The following PTPRM variants were observed in gnomAD, a reference collection of about 807,000 sequenced individuals.
PTPRM encodes protein tyrosine phosphatase receptor type M.
Under a neutral mutation model 186.7 loss-of-function variants are expected in PTPRM, and 47 were observed. The observed-to-expected ratio is 0.25, with a 90% CI of 0.20 to 0.32. The LOEUF is 0.32. PTPRM is among the 10% of genes least tolerant of loss of function. PTPRM has a pLI of 1.00. For synonymous variants in PTPRM, 668 were observed against 674.9 expected (o/e 0.99, Z 0.16); for missense variants, 1,494 against 1,865.0 (o/e 0.80, Z 3.66).
intron 2 of PTPRM, among the ~76,000 whole-genome samples, chr18:7,775,117 T>C (rs1237376573): frequency 6.6e-6 from 1 of 152,230 alleles, no homozygotes; most frequent in Non-Finnish European, 1.5e-5. Context: ...ACTTAGTAAG[T>C]AATCTTGTAA....
chr18:8,394,687 G>A, intron 32 of PTPRM, 76 bp downstream of exon 32: 2 of 1,423,526 alleles, frequency 1.4e-6, no homozygotes, highest in South Asian at 3.0e-5. Context: ...CAGATTTGCA[G>A]GGAAACTGAT....
At chr18:7,700,943 C>CTG (rs2039947073) in intron 1 of PTPRM, among the ~76,000 whole-genome samples, 1 of 138,648 alleles carries the variant, frequency 7.2e-6, no homozygotes, top group Admixed American at 7.8e-5. Context: ...CACCACTGCA[C>CTG]TCCAGCCTGG....
At chr18:7,807,789 C>T (rs528712075) in intron 2 of PTPRM, among the ~76,000 whole-genome samples, 1 of 152,304 alleles carries the variant, frequency 6.6e-6, no homozygotes. Context: ...TGAAGAATTA[C>T]ATCTAAGTAA....
intron 19 of PTPRM, among the ~76,000 whole-genome samples, chr18:8,266,061 G>A (rs2094697060): frequency 2.0e-5 from 3 of 152,058 alleles, no homozygotes; most frequent in South Asian, 4.1e-4. Flanking sequence ...TTTCTATCCC[G>A]ATGTGCCCTT....
At chr18:7,775,323 C>T (rs2144987379) in intron 2 of PTPRM, among the ~76,000 whole-genome samples, 2 of 152,332 alleles carry the variant, frequency 1.3e-5, no homozygotes, top group South Asian at 4.1e-4. Flanking sequence ...CTTGCAGCTG[C>T]AGCTCACACC....
intron 2 of PTPRM, among the ~76,000 whole-genome samples, chr18:7,865,310 T>C (rs972930273): frequency 1.4e-5 from 2 of 143,330 alleles, no homozygotes; most frequent in Non-Finnish European, 3.1e-5. Context: ...CAGTATGATA[T>C]TGGCTGTGGG....
intron 1 of PTPRM, among the ~76,000 whole-genome samples, chr18:7,659,582 T>C (rs950644266): frequency 2.0e-5 from 3 of 152,198 alleles, no homozygotes; most frequent in Non-Finnish European, 2.9e-5. Context: ...ACTACAGTGC[T>C]TGACAGATAG....
intron 9 of PTPRM, among the ~76,000 whole-genome samples, chr18:8,078,835 A>G (rs1321593166): frequency 6.6e-6 from 1 of 152,156 alleles, no homozygotes; most frequent in Non-Finnish European, 1.5e-5. Flanking sequence ...AGAGCAAAGT[A>G]GGGGGTGCCA....
At chr18:8,079,559 G>A (rs1196948708) in intron 9 of PTPRM, among the ~76,000 whole-genome samples, 14 of 152,008 alleles carry the variant, frequency 9.2e-5, no homozygotes, top group Non-Finnish European at 1.9e-4. Context: ...TAAAATGGAT[G>A]CAGTTTAATA....
intron 19 of PTPRM, among the ~76,000 whole-genome samples, chr18:8,275,309 G>A (rs1054952790): frequency 6.6e-6 from 1 of 152,134 alleles, no homozygotes; most frequent in Non-Finnish European, 1.5e-5. Flanking sequence ...GCTGGCCATG[G>A]TAGTGTGCAC....
chr18:7,783,412 A>G (rs2145109960), intron 2 of PTPRM, among the ~76,000 whole-genome samples: 1 of 152,272 alleles, frequency 6.6e-6, no homozygotes, highest in African/African-American at 2.4e-5. Flanking sequence ...ACACTCATGG[A>G]CATTCCCTTA....
chr18:7,781,392 T>C (rs1417762571), intron 2 of PTPRM, among the ~76,000 whole-genome samples: 1 of 152,222 alleles, frequency 6.6e-6, no homozygotes, highest in African/African-American at 2.4e-5. Context: ...TGAGTCAAGA[T>C]TTTTTAAGTT....
intron 1 of PTPRM, among the ~76,000 whole-genome samples, chr18:7,604,817 G>A (rs1198821580): frequency 6.6e-6 from 1 of 152,178 alleles, no homozygotes; most frequent in East Asian, 1.9e-4. Flanking sequence ...GCCAGCAAAG[G>A]TGTACTTCAG....
chr18:7,921,993 T>G (rs926035776), intron 4 of PTPRM, among the ~76,000 whole-genome samples: 3 of 152,224 alleles, frequency 2.0e-5, no homozygotes, highest in Non-Finnish European at 2.9e-5. Context: ...GTCTTCCCAG[T>G]CTGGCTTGTT....
intron 2 of PTPRM, among the ~76,000 whole-genome samples, chr18:7,842,947 TAGAGAG>T (rs1555616950): frequency 3.9e-4 from 44 of 112,112 alleles, no homozygotes; most frequent in Middle Eastern, 4.3e-3. Flanking sequence ...TATATATATA[TAGAGAG>T]AGAGAGAGAG....
chr18:7,802,954 A>G (rs913608356), intron 2 of PTPRM, among the ~76,000 whole-genome samples: 1 of 152,208 alleles, frequency 6.6e-6, no homozygotes, highest in Admixed American at 6.5e-5. Flanking sequence ...TGGGATGTCA[A>G]TGCTGGGTAA....
Position 8,069,878 on chromosome 18 carries a change from C to G in PTPRM, c.1325C>G (p.Pro442Arg). 1 of 1,613,754 alleles carries G rather than the reference C, an allele frequency of 6.2e-7. No homozygotes were observed. Among genetic ancestry groups the G allele is most frequent in the East Asian group, 2.2e-5 (1 of 44,856 alleles). The change falls in exon 8 of 33, where the codon CCT becomes CGT. Residue 442 changes from proline (P) to arginine (R), a missense_variant. Transcript: ENST00000580170. ...EVSWDTENSH[P>R]QHTITNLSPY... ...AGCTGGGATACAGAAAACTCACACC[C>G]TCAACACACGATCACTAACCTGTCA... is the stretch of plus-strand genomic sequence containing the variant.
At chr18:7,911,876 GGA>G (rs1161306628) in intron 4 of PTPRM, among the ~76,000 whole-genome samples, 4 of 66,964 alleles carry the variant, frequency 6.0e-5, no homozygotes, top group Non-Finnish European at 1.0e-4. Context: ...TTTTTGAGAT[GGA>G]GTCTCTCTTT....
intron 4 of PTPRM, among the ~76,000 whole-genome samples, chr18:7,917,562 CATAAT>C (rs2050635112): frequency 6.6e-6 from 1 of 152,004 alleles, no homozygotes; most frequent in African/African-American, 2.4e-5. Context: ...TTTATTGATA[CATAAT>C]ATAAGTGCAT....
Sources: gnomAD v4.1 joint callset for allele counts (sites outside exome capture counted in the v4.1 genomes callset) on GRCh38, gnomAD v4.1.1 for gene constraint, MANE v1.5 for transcripts, NCBI Gene and HGNC (gene_info 2026-07-23, HGNC 2026-07-21) for gene names.